The following HPSE2 variants were observed in gnomAD, a reference collection of about 807,000 sequenced individuals.
HPSE2 encodes the protein heparanase 2 (inactive), also known as inactive heparanase-2.
Under a neutral mutation model 60.5 loss-of-function variants are expected in HPSE2, and 38 were observed. The ratio of observed to expected loss-of-function variants is 0.63; its 90% CI spans 0.48 to 0.82. The LOEUF is 0.82. Among genes scored for constraint, HPSE2 ranks in the 40% least tolerant of loss-of-function variants. The probability of loss-of-function intolerance (pLI) is 0.00; values close to 1 mark genes in which losing one functional copy is unlikely to be tolerated. For missense variants in HPSE2, 713 were observed against 740.4 expected (o/e 0.96, Z 0.43); for synonymous variants, 295 against 293.2 (o/e 1.01, Z -0.06).
chr10:98,866,604 G>T (rs1042098228), intron 3 of HPSE2, among the ~76,000 whole-genome samples: 1 of 152,030 alleles, frequency 6.6e-6, no homozygotes, highest in Non-Finnish European at 1.5e-5. Context: ...AATATTAAAT[G>T]TAGACAGAGA....
At chr10:99,018,744 G>C (rs1957197407) in intron 3 of HPSE2, among the ~76,000 whole-genome samples, 1 of 151,656 alleles carries the variant, frequency 6.6e-6, no homozygotes, top group Non-Finnish European at 1.5e-5. Context: ...AAAGTTGCTT[G>C]AATTTATTAA....
chr10:98,649,946 A>T (rs918385240), intron 6 of HPSE2, among the ~76,000 whole-genome samples: 3 of 152,168 alleles, frequency 2.0e-5, no homozygotes, highest in African/African-American at 4.8e-5. Flanking sequence ...GCTCCTGGGG[A>T]CAGGGTAAAG....
chr10:98,818,669 ACCAGTAGATTAAAACAAGATCCAGG>A (rs1388691304), intron 3 of HPSE2, among the ~76,000 whole-genome samples: 2 of 152,108 alleles, frequency 1.3e-5, no homozygotes, highest in Non-Finnish European at 2.9e-5. Context: ...CATTCCCTAA[ACCAGTAGATTAAAACAAGATCCAGG>A]CCTGCACCCA....
At chr10:99,298,148 C>G in the HPSE2 span, among the ~76,000 whole-genome samples, 18 of 152,266 alleles carry the variant, frequency 1.2e-4, no homozygotes, top group African/African-American at 4.1e-4. Context: ...TCTGGCAAGT[C>G]AGAGCCTCTG....
At chr10:98,470,400 T>C (rs1021323069) in intron 11 of HPSE2, among the ~76,000 whole-genome samples, 2 of 152,184 alleles carry the variant, frequency 1.3e-5, no homozygotes, top group African/African-American at 2.4e-5. Context: ...GTATTGCTGG[T>C]GTTTGGCAGT....
At chr10:98,754,684 A>G (rs1949837241) in intron 3 of HPSE2, among the ~76,000 whole-genome samples, 1 of 150,262 alleles carries the variant, frequency 6.7e-6, no homozygotes, top group Non-Finnish European at 1.5e-5. Flanking sequence ...ACAAGCCAGA[A>G]GAGACTGGGC....
At chr10:99,135,829 A>C (rs1448521134) in intron 3 of HPSE2, among the ~76,000 whole-genome samples, 3 of 152,152 alleles carry the variant, frequency 2.0e-5, no homozygotes, top group African/African-American at 7.2e-5. Context: ...AATTAAAAGA[A>C]TTAGAGAAGC....
chr10:98,831,861 T>C (rs771864528), intron 3 of HPSE2, among the ~76,000 whole-genome samples: 1 of 152,212 alleles, frequency 6.6e-6, no homozygotes, highest in Non-Finnish European at 1.5e-5. Context: ...AAGATCTTTA[T>C]AGCTAAATAA....
chr10:99,087,415 G>A (rs1589634493), intron 3 of HPSE2, among the ~76,000 whole-genome samples: 1 of 152,184 alleles, frequency 6.6e-6, no homozygotes, highest in Admixed American at 6.5e-5. Context: ...ATACACGTAA[G>A]CAATAAGTAT....
the HPSE2 span, among the ~76,000 whole-genome samples, chr10:99,249,701 G>A: frequency 6.6e-6 from 1 of 152,136 alleles, no homozygotes; most frequent in Non-Finnish European, 1.5e-5. Context: ...ATATGATTTG[G>A]ATTTGTGTCC....
chr10:99,177,279 C>A (rs1847563707), intron 2 of HPSE2, among the ~76,000 whole-genome samples: 2 of 151,644 alleles, frequency 1.3e-5, no homozygotes, highest in Admixed American at 6.6e-5. Context: ...ACAATATTAA[C>A]CTTAAATGTA....
intron 3 of HPSE2, among the ~76,000 whole-genome samples, chr10:99,101,466 C>T (rs909988961): frequency 8.5e-5 from 13 of 152,316 alleles, no homozygotes; most frequent in African/African-American, 3.1e-4. Flanking sequence ...GCACCCAATA[C>T]AGGAGCACCC....
chr10:99,235,431 C>T, intron 1 of HPSE2, 82 bp downstream of exon 1: 1 of 1,277,716 alleles, frequency 7.8e-7, no homozygotes, highest in Non-Finnish European at 1.1e-6. Flanking sequence ...TTTCTTCTTT[C>T]CCCTTTGGAA....
At chr10:99,298,242 C>T in the HPSE2 span, among the ~76,000 whole-genome samples, 2 of 152,368 alleles carry the variant, frequency 1.3e-5, no homozygotes, top group East Asian at 1.9e-4. Flanking sequence ...CTCTGCACAA[C>T]CCTCACTCTC....
At chr10:98,914,228 G>A (rs1054137788) in intron 3 of HPSE2, among the ~76,000 whole-genome samples, 2 of 152,018 alleles carry the variant, frequency 1.3e-5, no homozygotes, top group African/African-American at 4.8e-5. Context: ...CCCTGCACAA[G>A]CTCTCATTTT....
intron 3 of HPSE2, among the ~76,000 whole-genome samples, chr10:98,746,670 T>C (rs966227489): frequency 6.6e-6 from 1 of 151,944 alleles, no homozygotes; most frequent in Admixed American, 6.6e-5. Context: ...TTGTCTAAAA[T>C]AGTTGTCCTA....
chr10:98,628,185 T>C (rs1946267614), intron 7 of HPSE2, among the ~76,000 whole-genome samples: 1 of 152,206 alleles, frequency 6.6e-6, no homozygotes, highest in Admixed American at 6.5e-5. Context: ...GGGAGGCTTA[T>C]GAACTCTGTA....
At chr10:98,964,153 T>C (rs1222777204) in intron 3 of HPSE2, among the ~76,000 whole-genome samples, 1 of 152,144 alleles carries the variant, frequency 6.6e-6, no homozygotes, top group East Asian at 1.9e-4. Flanking sequence ...TACTGCCCTC[T>C]TGAATTTTTA....
At chr10:98,822,914 T>G (rs910935627) in intron 3 of HPSE2, among the ~76,000 whole-genome samples, 2 of 152,228 alleles carry the variant, frequency 1.3e-5, no homozygotes, top group African/African-American at 4.8e-5. Context: ...TTTGAAGATG[T>G]GATCAAATGG....
Sources: gnomAD v4.1 joint callset for allele counts (sites outside exome capture counted in the v4.1 genomes callset) on GRCh38, gnomAD v4.1.1 for gene constraint, MANE v1.5 for transcripts, NCBI Gene and HGNC (gene_info 2026-07-23, HGNC 2026-07-21) for gene names.